Variants in EXOC4 observed in about 807,000 individuals in gnomAD.
EXOC4 encodes SEC8-like 1.
A neutral mutation model predicts 107.2 loss-of-function variants in EXOC4; 71 were observed. That is an observed-to-expected ratio of 0.66 (90% confidence interval 0.55 to 0.81). EXOC4 has a LOEUF of 0.81. EXOC4 is among the 30% of genes least tolerant of loss of function. EXOC4 has a pLI of 0.00. For synonymous variants in EXOC4, 456 were observed against 441.2 expected (o/e 1.03, Z -0.42); for missense variants, 1,108 against 1,189.6 (o/e 0.93, Z 1.01).
At chr7:134,013,400 A>G (rs1471464758) in intron 17 of EXOC4, among the ~76,000 whole-genome samples, 1 of 152,210 alleles carries the variant, frequency 6.6e-6, no homozygotes, top group Non-Finnish European at 1.5e-5. Flanking sequence ...AAACAAGGAA[A>G]GTCTGAAAAA....
intron 17 of EXOC4, among the ~76,000 whole-genome samples, chr7:134,054,565 A>AAG (rs1484635723): frequency 6.6e-6 from 1 of 152,132 alleles, no homozygotes; most frequent in East Asian, 1.9e-4. Context: ...TGCATTAATG[A>AAG]AGGTATTAAG....
intron 10 of EXOC4, among the ~76,000 whole-genome samples, chr7:133,767,839 G>T (rs1366266852): frequency 6.6e-6 from 1 of 151,988 alleles, no homozygotes; most frequent in African/African-American, 2.4e-5. Flanking sequence ...GCTAGGACTA[G>T]ACACAAAGAC....
intron 10 of EXOC4, among the ~76,000 whole-genome samples, chr7:133,704,630 G>A (rs1794730359): frequency 6.6e-6 from 1 of 152,316 alleles, no homozygotes; most frequent in East Asian, 1.9e-4. Context: ...CTGTACATGT[G>A]GCATTGTATT....
chr7:133,718,312 C>T (rs1324509431), intron 10 of EXOC4, among the ~76,000 whole-genome samples: 5 of 152,182 alleles, frequency 3.3e-5, no homozygotes, highest in Admixed American at 1.3e-4. Context: ...ACAGAGGCTA[C>T]TTAGGACCAA....
Position 133,635,774 on chromosome 7 carries a change from A to G in EXOC4, c.1514+5633A>G, listed in dbSNP as rs578153917. ...GAACAAGTACACCCTGGCCCAAGGA[A>G]ACCTTCCGAGTCCTCACATGGCCTC... On this transcript the variant is annotated intron_variant, in intron 10 of 17. Coordinates refer to ENST00000253861, the MANE Select transcript of EXOC4 (RefSeq NM_021807.4). Among the ~76,000 whole-genome samples, 55 of 152,236 alleles carry G rather than the reference A, an allele frequency of 3.6e-4. 1 individual carries two copies. In the South Asian group the frequency reaches 1.0e-2, roughly 28 times the overall value.
At chr7:133,658,264 T>G (rs1803349296) in intron 10 of EXOC4, among the ~76,000 whole-genome samples, 1 of 152,152 alleles carries the variant, frequency 6.6e-6, no homozygotes, top group South Asian at 2.1e-4. Context: ...TGAACTTGTT[T>G]CTCCATTAGC....
chr7:133,340,987 T>G (rs1384916696), intron 5 of EXOC4, among the ~76,000 whole-genome samples: 1 of 152,094 alleles, frequency 6.6e-6, no homozygotes, highest in Admixed American at 6.5e-5. Context: ...GTTTTATTAA[T>G]TTTTTTGTAT....
intron 11 of EXOC4, among the ~76,000 whole-genome samples, chr7:133,830,176 A>T (rs1166669345): frequency 6.6e-6 from 1 of 152,190 alleles, no homozygotes; most frequent in Non-Finnish European, 1.5e-5. Flanking sequence ...CAACCACAGG[A>T]GCTTAATTGC....
At chr7:133,956,182 CT>C (rs35695983) in intron 14 of EXOC4, among the ~76,000 whole-genome samples, 45,858 of 150,718 alleles carry the variant, frequency 0.3, 7,327 homozygotes, top group Middle Eastern at 0.36. Flanking sequence ...TTTTTATGTT[CT>C]TTTTTTTTTC....
chr7:133,978,045 G>A (rs911186193), intron 14 of EXOC4, among the ~76,000 whole-genome samples: 1 of 152,224 alleles, frequency 6.6e-6, no homozygotes, highest in African/African-American at 2.4e-5. Flanking sequence ...AGGTAGCTGA[G>A]TCTCAGCCAG....
At chr7:133,969,285 A>T (rs1032231670) in intron 14 of EXOC4, among the ~76,000 whole-genome samples, 2 of 152,148 alleles carry the variant, frequency 1.3e-5, no homozygotes, top group Non-Finnish European at 2.9e-5. Context: ...GGGTTAGAAC[A>T]TGCTACTTTA....
intron 10 of EXOC4, among the ~76,000 whole-genome samples, chr7:133,728,371 G>T (rs549658068): frequency 6.6e-6 from 1 of 152,318 alleles, no homozygotes; most frequent in Admixed American, 6.5e-5. Context: ...TTGAGACTTT[G>T]TATTGATGTT....
chr7:133,949,652 C>T (rs1283254887), intron 14 of EXOC4, among the ~76,000 whole-genome samples: 12 of 152,226 alleles, frequency 7.9e-5, no homozygotes, highest in Non-Finnish European at 1.3e-4. Context: ...TAACCTTTCA[C>T]TGTGGATGTG....
intron 7 of EXOC4, among the ~76,000 whole-genome samples, chr7:133,432,496 T>C (rs1797878418): frequency 6.6e-6 from 1 of 152,188 alleles, no homozygotes. Flanking sequence ...TATATAAATA[T>C]AAGTATCATG....
chr7:133,604,994 G>C (rs935722533), intron 9 of EXOC4, among the ~76,000 whole-genome samples: 12 of 151,810 alleles, frequency 7.9e-5, no homozygotes, highest in Middle Eastern at 3.4e-3. Context: ...CAAAGTGCTG[G>C]GATTACAGGC....
intron 5 of EXOC4, 124 bp from the exon 6 acceptor site, chr7:133,356,206 T>C: frequency 1.0e-6 from 1 of 978,942 alleles, no homozygotes; most frequent in South Asian, 1.7e-5. Flanking sequence ...TATAATTTAA[T>C]TGAAAAATCC....
intron 1 of EXOC4, among the ~76,000 whole-genome samples, chr7:133,272,587 A>C (rs992375974): frequency 6.6e-6 from 1 of 151,960 alleles, no homozygotes; most frequent in African/African-American, 2.4e-5. Flanking sequence ...CTTTTCTCTA[A>C]TTAAAAAAAA....
At chr7:133,378,590 G>A (rs1796544812) in intron 7 of EXOC4, among the ~76,000 whole-genome samples, 1 of 152,072 alleles carries the variant, frequency 6.6e-6, no homozygotes, top group Non-Finnish European at 1.5e-5. Context: ...ATGATACTAT[G>A]CTGTTGTGAA....
At position 133,275,179 on chromosome 7, in the gene EXOC4, T is replaced by C. The variant is rs906711797; in HGVS notation, c.276+8T>C. The C allele has an allele frequency of 6.3e-7, 1 of 1,577,566 alleles. No individual in the cohort carries two copies. Among genetic ancestry groups the C allele is most frequent in the Non-Finnish European group, 8.6e-7 (1 of 1,159,266 alleles). ...CGAAATAAAATAAAGCAGGTATTCC[T>C]CCTTTCTGGTCTGATGGTGGCAGCA... On this transcript the variant is annotated splice_region_variant and intron_variant, in intron 2 of 17. Transcript: ENST00000253861.
Sources: gnomAD v4.1 joint callset for allele counts (sites outside exome capture counted in the v4.1 genomes callset) on GRCh38, gnomAD v4.1.1 for gene constraint, MANE v1.5 for transcripts, NCBI Gene and HGNC (gene_info 2026-07-23, HGNC 2026-07-21) for gene names.